SIM1: variants seen among roughly 807,000 people sequenced by gnomAD.
The protein encoded by SIM1 is SIM bHLH transcription factor 1.
SIM1 carries 18 observed loss-of-function variants against 78.2 expected under a neutral mutation model. The observed-to-expected ratio is 0.23, with a 90% CI of 0.16 to 0.34. SIM1 has a LOEUF of 0.34. SIM1 is among the 10% of genes least tolerant of loss of function. The pLI is 1.00. For synonymous variants in SIM1, 417 were observed against 385.2 expected, an observed-to-expected ratio of 1.08 and a Z score of -0.97; for missense variants, 939 against 975.1, an observed-to-expected ratio of 0.96 and a Z score of 0.49.
intron 10 of SIM1, among the ~76,000 whole-genome samples, chr6:100,397,730 GAAAAGACAAGCTACAGGAAGGGATA>G (rs1770802907): frequency 2.6e-5 from 4 of 151,980 alleles, no homozygotes; most frequent in Admixed American, 2.6e-4. Flanking sequence ...TGAAGAGGAT[GAAAAGACAAGCTACAGGAAGGGATA>G]AAGCATTTAC....
At chr6:100,413,687 C>T (rs985033528) in intron 10 of SIM1, among the ~76,000 whole-genome samples, 1 of 152,070 alleles carries the variant, frequency 6.6e-6, no homozygotes, top group Non-Finnish European at 1.5e-5. Flanking sequence ...ACCTAAGATA[C>T]CCACTTAAGT....
At chr6:100,400,811 T>A (rs1490003674) in intron 10 of SIM1, among the ~76,000 whole-genome samples, 2 of 152,064 alleles carry the variant, frequency 1.3e-5, no homozygotes, top group Non-Finnish European at 2.9e-5. Context: ...AACTGATGAA[T>A]ATGGAGGGAG....
chr6:100,411,203 TACACAGCC>T (rs2114488329), intron 10 of SIM1, among the ~76,000 whole-genome samples: 1 of 152,274 alleles, frequency 6.6e-6, no homozygotes, highest in South Asian at 2.1e-4. Flanking sequence ...TGGCATTTCC[TACACAGCC>T]ACTCAACTGC....
chr6:100,455,020 T>A (rs1002551882), intron 2 of SIM1, among the ~76,000 whole-genome samples: 5 of 151,926 alleles, frequency 3.3e-5, no homozygotes, highest in African/African-American at 1.2e-4. Context: ...AAGGAGCAAA[T>A]CACCAAGAAG....
chr6:100,417,441 A>G (rs892347051), intron 10 of SIM1, among the ~76,000 whole-genome samples: 3 of 152,220 alleles, frequency 2.0e-5, no homozygotes, highest in African/African-American at 2.4e-5. Flanking sequence ...CCAGAGAAGT[A>G]TCTTTTTAAT....
At position 100,448,671 on chromosome 6, in the gene SIM1, T is replaced by C; in HGVS notation, c.551A>G (p.His184Arg). The C allele has an allele frequency of 1.2e-6, 2 of 1,610,310 alleles. No individual in the cohort carries two copies. Among genetic ancestry groups the C allele is most frequent in the Non-Finnish European group, 1.7e-6 (2 of 1,179,854 alleles). Residue 184 changes from histidine to arginine, a missense_variant, in exon 7 of 12, where the codon CAC (histidine) becomes CGC (arginine). This residue lies in a region of SIM1 where 187 missense variants were observed against 191.6 expected (regional missense o/e 0.98). Transcript: ENST00000369208. ...GCGGATCTTCAAGTAGCCGCTGCAG[T>C]GGATGACCTGAGGCAGAGGGATAGG... Reference protein sequence around the residue: ...GLTCGGYKVIHCSGYLKIRQY... With the variant: ...GLTCGGYKVIRCSGYLKIRQY...
chr6:100,424,949 C>T (rs555146353), intron 9 of SIM1, among the ~76,000 whole-genome samples: 3 of 152,206 alleles, frequency 2.0e-5, no homozygotes, highest in East Asian at 1.9e-4. Context: ...TATTTCTTTC[C>T]TTTCTATCCC....
intron 10 of SIM1, among the ~76,000 whole-genome samples, chr6:100,399,434 T>C (rs1770853718): frequency 6.6e-6 from 1 of 152,074 alleles, no homozygotes; most frequent in Admixed American, 6.5e-5. Flanking sequence ...CTAGGGTTAA[T>C]GACAAAAGCA....
rs1270046796 is a variant in SIM1, at chr6:100,385,392, C to CG, written c.*4968dup. The CG allele has an allele frequency of 1.3e-5, 2 of 151,092 alleles. No individual in the cohort carries two copies. Among genetic ancestry groups the CG allele is most frequent in the African/African-American group, 4.9e-5 (2 of 41,136 alleles). 9.4% of individuals were successfully genotyped at this position (151,092 alleles called of 1,614,324 possible). On this transcript the variant is annotated 3_prime_UTR_variant, in exon 12 of 12. Coordinates refer to ENST00000369208, the MANE Select transcript of SIM1 (RefSeq NM_005068.3). ...TTTCCTTTTTTGAAATATTTCCCTT[C>CG]GGAAAAAAAAAGAAAAAAGACTTAC...
chr6:100,463,262 C>CTTTGAAATTCCATCTG (rs774083295), intron 2 of SIM1, 32 bp downstream of exon 2: 1 of 1,581,278 alleles, frequency 6.3e-7, no homozygotes, highest in Non-Finnish European at 8.7e-7. Flanking sequence ...CCCCTTCTGC[C>CTTTGAAATTCCATCTG]TTTGAAATTC....
intron 10 of SIM1, among the ~76,000 whole-genome samples, chr6:100,397,822 T>C (rs1437228581): frequency 1.3e-5 from 2 of 151,760 alleles, no homozygotes; most frequent in African/African-American, 4.8e-5. Context: ...CTCCCAAAAA[T>C]CAACAACAAG....
chr6:100,394,921 C>G (rs1478881594), intron 10 of SIM1, among the ~76,000 whole-genome samples: 1 of 152,146 alleles, frequency 6.6e-6, no homozygotes, highest in African/African-American at 2.4e-5. Flanking sequence ...GGATGTGCCT[C>G]TTGTTTAGAA....
intron 2 of SIM1, 21 bp from the exon 3 acceptor site, chr6:100,453,865 C>A (rs1772579062): frequency 6.3e-7 from 1 of 1,590,182 alleles, no homozygotes; most frequent in African/African-American, 1.4e-5. Context: ...ACAGAAGCAT[C>A]CTGTAGCCAC....
rs758651189 is a variant in SIM1 at position 100,463,559 on chromosome 6, C to T, written c.-91G>A. The T allele has an allele frequency of 5.1e-5, 63 of 1,246,902 alleles. No homozygotes were observed. Among genetic ancestry groups the T allele is most frequent in the Non-Finnish European group, 6.7e-5 (59 of 886,846 alleles). The allele number at this position is 1,246,902 out of a possible 1,614,324, so 77.2% of individuals were successfully genotyped here. A position where few individuals can be genotyped will look rare whatever the true frequency, so the allele number is the denominator to read the frequency against. The stretch of plus-strand genomic sequence containing the variant: ...ACTTTCAATTAGAGATCATATTTGG[C>T]AAAAACATAAAACATACTTTGAATA... On this transcript the variant is annotated 5_prime_UTR_variant, in exon 2 of 12. Coordinates refer to ENST00000369208, the MANE Select transcript of SIM1 (RefSeq NM_005068.3).
intron 9 of SIM1, among the ~76,000 whole-genome samples, chr6:100,428,685 C>T (rs1472655559): frequency 1.4e-5 from 2 of 145,416 alleles, no homozygotes; most frequent in Non-Finnish European, 2.9e-5. Flanking sequence ...CGAGGGAGTA[C>T]ATTCTAAGAC....
At position 100,393,644 on chromosome 6, in the gene SIM1, T is replaced by A. The variant is rs1016329121; in HGVS notation, c.1413A>T (p.Arg471=). ...CCAGGAAGTACCTGCCTGCCTCACA[T>A]CGGCCTCCTTCACAGGCCTGGGTAT... ...HFHTQACEGG[R]CEAGRYFLGT... Residue 471 remains arginine (R), a synonymous_variant, in exon 11 of 12, where the codon CGA becomes CGT. Coordinates refer to ENST00000369208, the MANE Select transcript of SIM1 (RefSeq NM_005068.3). 6.2e-7 allele frequency: 1 copy of A among 1,614,126 alleles called. No individual in the cohort carries two copies. Among genetic ancestry groups the A allele is most frequent in the African/African-American group, 1.3e-5 (1 of 75,068 alleles).
Position 100,389,078 on chromosome 6 carries a change from G to A in SIM1, c.*1283C>T, listed in dbSNP as rs1433930884. The A allele has an allele frequency of 6.6e-6, 1 of 152,244 alleles. No homozygotes were observed. Among genetic ancestry groups the A allele is most frequent in the African/African-American group, 2.4e-5 (1 of 41,432 alleles). The allele number at this position is 152,244 out of a possible 1,614,324, so 9.4% of individuals were successfully genotyped here. ...TTACAAACCAGGAAACTAGAGCCCA[G>A]GCACGGTGAATGGTACAACTGTGGT... On this transcript the variant is annotated 3_prime_UTR_variant, in exon 12 of 12. Transcript: ENST00000369208.
intron 9 of SIM1, among the ~76,000 whole-genome samples, chr6:100,442,730 G>GT (rs1264723298): frequency 2.0e-5 from 3 of 152,020 alleles, no homozygotes; most frequent in Admixed American, 1.3e-4. Flanking sequence ...TATTGGTCAA[G>GT]TTTTTTTAAA....
At position 100,389,888 on chromosome 6, in the gene SIM1, T is replaced by C. The variant is rs150513274; in HGVS notation, c.*473A>G. On this transcript the variant is annotated 3_prime_UTR_variant, in exon 12 of 12. Coordinates refer to ENST00000369208, the MANE Select transcript of SIM1 (RefSeq NM_005068.3). ...TCTCAGTTATTTTGGGAATGGAAAT[T>C]TCGTTAAGAAGTTTAGTGTGACAGA... is the stretch of plus-strand genomic sequence containing the variant. 1.1e-4 allele frequency: 44 copies of C among 397,272 alleles called. No individual in the cohort carries two copies. Among genetic ancestry groups the C allele is most frequent in the African/African-American group, 8.2e-4 (40 of 48,706 alleles). 24.6% of individuals were successfully genotyped at this position (397,272 alleles called of 1,614,324 possible).
Sources: gnomAD v4.1 joint callset for allele counts (sites outside exome capture counted in the v4.1 genomes callset) on GRCh38, gnomAD v4.1.1 for gene constraint, gnomAD v4.1.1 regional missense constraint, MANE v1.5 for transcripts, NCBI Gene and HGNC (gene_info 2026-07-23, HGNC 2026-07-21) for gene names.